The following SLC49A4 variants were observed in gnomAD, a reference collection of about 807,000 sequenced individuals.
The protein encoded by SLC49A4 is disrupted in renal cancer protein 2.
In SLC49A4, 36 loss-of-function variants were observed where a neutral mutation model predicts 50.6. The ratio of observed to expected loss-of-function variants is 0.71; its 90% CI spans 0.55 to 0.94. The LOEUF (loss-of-function observed/expected upper bound fraction) is 0.94. Among genes scored for constraint, SLC49A4 ranks in the 40% least tolerant of loss-of-function variants. The probability of loss-of-function intolerance (pLI) is 0.00; values close to 1 mark genes in which losing one functional copy is unlikely to be tolerated. For synonymous variants in SLC49A4, 248 were observed against 241.2 expected (o/e 1.03, Z -0.26); for missense variants, 503 against 605.7 (o/e 0.83, Z 1.78).
intron 7 of SLC49A4, among the ~76,000 whole-genome samples, chr3:122,869,515 A>G (rs944505781): frequency 6.6e-6 from 1 of 151,958 alleles, no homozygotes; most frequent in African/African-American, 2.4e-5. Context: ...ATCTTTTCAC[A>G]CTGTATTTTT....
chr3:122,815,209 C>T (rs1327955285), intron 2 of SLC49A4, among the ~76,000 whole-genome samples: 1 of 152,124 alleles, frequency 6.6e-6, no homozygotes, highest in Non-Finnish European at 1.5e-5. Flanking sequence ...CCTGCCTCAG[C>T]CTCCTGAGTA....
At chr3:122,818,317 G>A (rs1035479783) in intron 2 of SLC49A4, among the ~76,000 whole-genome samples, 2 of 152,104 alleles carry the variant, frequency 1.3e-5, no homozygotes, top group Admixed American at 6.5e-5. Context: ...ACCTATGTAC[G>A]ATTAAGTATT....
At chr3:122,830,002 T>G (rs1936587279) in intron 3 of SLC49A4, among the ~76,000 whole-genome samples, 1 of 152,218 alleles carries the variant, frequency 6.6e-6, no homozygotes, top group South Asian at 2.1e-4. Flanking sequence ...CAAAGTTTTA[T>G]GGTACAAGAT....
In SLC49A4 at chr3:122,849,973, C is replaced by G. The variant is rs529767379; in HGVS notation, c.942+4102C>G. Among the ~76,000 whole-genome samples the G allele has an allele frequency of 7.9e-5, 12 of 152,032 alleles. No homozygotes were observed. In the South Asian group the frequency reaches 1.9e-3, roughly 24 times the overall value. ...CATAGTTTCAAGTCTTACATTGAAC[C>G]CTTTTCCCTTTTAGAAAAAAAAAAA... On this transcript the variant is annotated intron_variant, in intron 5 of 8. Transcript: ENST00000261038.
intron 4 of SLC49A4, among the ~76,000 whole-genome samples, chr3:122,843,883 T>G (rs1298738194): frequency 6.6e-6 from 1 of 152,246 alleles, no homozygotes; most frequent in Admixed American, 6.5e-5. Flanking sequence ...TTTTGTGATG[T>G]TAGCACTCTG....
chr3:122,819,243 C>A (rs1206209544), intron 2 of SLC49A4, among the ~76,000 whole-genome samples: 1,546 of 99,504 alleles, frequency 0.016, no homozygotes, highest in African/African-American at 0.019. Context: ...GACCCTGCCT[C>A]AAAAAAAAAA....
At chr3:122,828,885 T>C (rs1308410301) in intron 3 of SLC49A4, among the ~76,000 whole-genome samples, 1 of 152,220 alleles carries the variant, frequency 6.6e-6, no homozygotes, top group Non-Finnish European at 1.5e-5. Flanking sequence ...TTGTATTTTT[T>C]ACATGATGTT....
intron 7 of SLC49A4, 112 bp from the exon 8 acceptor site, chr3:122,872,303 G>T: frequency 2.1e-6 from 2 of 931,306 alleles, no homozygotes; most frequent in Non-Finnish European, 3.2e-6. Context: ...AACTACCTTT[G>T]AAAAGAAGAA....
At chr3:122,872,355 C>T in intron 7 of SLC49A4, 60 bp from the exon 8 acceptor site, 1 of 1,384,826 alleles carries the variant, frequency 7.2e-7, no homozygotes, top group Non-Finnish European at 1.0e-6. Flanking sequence ...CCCCGAAGAT[C>T]TATCTGATAT....
intron 4 of SLC49A4, among the ~76,000 whole-genome samples, chr3:122,845,120 C>G (rs778084052): frequency 7.2e-5 from 11 of 152,140 alleles, no homozygotes; most frequent in Non-Finnish European, 1.6e-4. Flanking sequence ...TCCTCCCACC[C>G]TGCACCCTCA....
chr3:122,829,627 G>A (rs184367763), intron 3 of SLC49A4, among the ~76,000 whole-genome samples: 172 of 152,330 alleles, frequency 1.1e-3, no homozygotes, highest in Non-Finnish European at 1.4e-3. Context: ...GCACATGCCT[G>A]TAATCCCAGT....
chr3:122,877,650 G>T lies in SLC49A4; in HGVS notation c.1322-1613G>T, dbSNP rs72968365. 3.8e-3 allele frequency among the ~76,000 whole-genome samples: 571 copies of T among 152,128 alleles called. 7 individuals carry two copies. The highest frequency in any genetic ancestry group is 0.013 in the African/African-American group (552 of 41,490). ...ATTACCATACTTTTTTTTATCTGTT[G>T]CTTAAAACTTGACCCTGAAGTCCAA... On this transcript the variant is annotated intron_variant, in intron 8 of 8. Transcript: ENST00000261038.
intron 1 of SLC49A4, among the ~76,000 whole-genome samples, chr3:122,796,356 C>G (rs919327778): frequency 1.3e-5 from 2 of 152,182 alleles, no homozygotes; most frequent in African/African-American, 4.8e-5. Flanking sequence ...AGTTTCTGTT[C>G]AACCTTTTAT....
chr3:122,827,952 A>G (rs2107565894), intron 3 of SLC49A4, among the ~76,000 whole-genome samples: 1 of 152,360 alleles, frequency 6.6e-6, no homozygotes, highest in Non-Finnish European at 1.5e-5. Flanking sequence ...CAGAGGGAAC[A>G]GTAACTGCAA....
At chr3:122,813,044 GT>G (rs1440086086) in intron 2 of SLC49A4, among the ~76,000 whole-genome samples, 1 of 152,116 alleles carries the variant, frequency 6.6e-6, no homozygotes, top group East Asian at 1.9e-4. Flanking sequence ...GAGGTCAGGA[GT>G]TTAAGACCAG....
At chr3:122,797,981 A>AAAAC (rs964250871) in intron 1 of SLC49A4, among the ~76,000 whole-genome samples, 11 of 152,220 alleles carry the variant, frequency 7.2e-5, no homozygotes, top group African/African-American at 2.4e-4. Context: ...ACCCTGTCTC[A>AAAAC]AAACAAACAA....
intron 2 of SLC49A4, among the ~76,000 whole-genome samples, chr3:122,809,915 C>T (rs747533435): frequency 2.0e-5 from 3 of 152,190 alleles, no homozygotes; most frequent in Non-Finnish European, 2.9e-5. Flanking sequence ...ATCTTTTAAG[C>T]AGTGTTGTTA....
intron 2 of SLC49A4, among the ~76,000 whole-genome samples, chr3:122,822,619 T>C (rs901136448): frequency 3.9e-5 from 6 of 152,210 alleles, no homozygotes; most frequent in African/African-American, 1.4e-4. Context: ...GATGTGATGT[T>C]GTTGACCACT....
chr3:122,814,453 A>AT, intron 2 of SLC49A4, among the ~76,000 whole-genome samples: 1 of 152,360 alleles, frequency 6.6e-6, no homozygotes, highest in Non-Finnish European at 1.5e-5. Context: ...TAACATGAGC[A>AT]TTTTTGAAAA....
Sources: gnomAD v4.1 joint callset for allele counts (sites outside exome capture counted in the v4.1 genomes callset) on GRCh38, gnomAD v4.1.1 for gene constraint, MANE v1.5 for transcripts, NCBI Gene and HGNC (gene_info 2026-07-23, HGNC 2026-07-21) for gene names.